Variants in NNMT observed in about 807,000 individuals in gnomAD.
The protein encoded by NNMT is nicotinamide N-methyltransferase.
In NNMT, 10 loss-of-function variants were observed where a neutral mutation model predicts 11.7. The ratio of observed to expected loss-of-function variants is 0.85; its 90% confidence interval spans 0.53 to 1.45. NNMT has a LOEUF of 1.45. Among genes scored for constraint, NNMT ranks in the 40% most tolerant of loss-of-function variants. NNMT has a pLI of 0.00. For missense variants in NNMT, 381 were observed against 319.4 expected, an observed-to-expected ratio of 1.19 and a Z score of -1.47; for synonymous variants, 143 against 133.8, an observed-to-expected ratio of 1.07 and a Z score of -0.48.
chr11:114,268,686 G>A lies in NNMT; in HGVS notation c.-130+5752G>A, dbSNP rs12278530. Among the ~76,000 whole-genome samples the A allele has an allele frequency of 2.2e-3, 334 of 149,788 alleles. 3 individuals are homozygous for A. Among genetic ancestry groups the A allele is most frequent in the African/African-American group, 7.8e-3 (318 of 40,656 alleles). On this transcript the variant is annotated intron_variant, in intron 2 of 4. Coordinates refer to the NNMT transcript ENST00000535401. ...CGGGAGGCTGAGGCAGGAGAATGGCGTGAACCTGGGAGGCGCAGCTTGCAG... is the reference window on the plus strand; with the variant it reads ...CGGGAGGCTGAGGCAGGAGAATGGCATGAACCTGGGAGGCGCAGCTTGCAG...
At chr11:114,270,181 GT>G (rs2135247055) in intron 2 of NNMT, 2 of 152,170 alleles carry the variant, frequency 1.3e-5, no homozygotes, top group South Asian at 4.1e-4. Context: ...TATATAATCA[GT>G]TTTTGTGAAT....
chr11:114,260,538 G>A lies in NNMT; in HGVS notation c.-216-2310G>A, dbSNP rs557936475. Among the ~76,000 whole-genome samples the A allele has an allele frequency of 3.5e-3, 536 of 152,336 alleles. 3 individuals are homozygous for A. The highest frequency in any genetic ancestry group is 0.014 in the Middle Eastern group (4 of 294). ...GCACTCACACATCCAGGGATGTCTG[G>A]GGAGAGGAGGCCCGCTCCGGGCTCC... On this transcript the variant is annotated intron_variant, in intron 1 of 4. Transcript: ENST00000535401.
At chr11:114,310,417 G>A (rs183473912) in intron 2 of NNMT, among the ~76,000 whole-genome samples, 2 of 152,224 alleles carry the variant, frequency 1.3e-5, no homozygotes, top group African/African-American at 2.4e-5. Context: ...ATTATAGGAA[G>A]CATAAAGCAT....
At chr11:114,295,717 C>T (rs905164990), upstream of NNMT, 1 of 152,322 alleles carries the variant, frequency 6.6e-6, no homozygotes, top group Non-Finnish European at 1.5e-5. Context: ...GCATGAGCCT[C>T]CGCCCCCGGC....
intron 2 of NNMT, among the ~76,000 whole-genome samples, chr11:114,264,897 G>A (rs1254433008): frequency 6.6e-6 from 1 of 152,246 alleles, no homozygotes; most frequent in African/African-American, 2.4e-5. Context: ...CTCCCTGGGT[G>A]TGCCACTCTC....
intron 2 of NNMT, among the ~76,000 whole-genome samples, chr11:114,273,780 C>T (rs1402227587): frequency 3.3e-5 from 5 of 152,078 alleles, no homozygotes; most frequent in Admixed American, 1.3e-4. Flanking sequence ...TCGGAGGTTG[C>T]AGTGAGCTGA....
intron 2 of NNMT, among the ~76,000 whole-genome samples, chr11:114,306,082 C>T: frequency 6.6e-6 from 1 of 152,188 alleles, no homozygotes; most frequent in East Asian, 1.9e-4. Flanking sequence ...TTTTGATTTG[C>T]ATTTCTCTGA....
At chr11:114,259,359 A>G (rs11214917) in intron 1 of NNMT, among the ~76,000 whole-genome samples, 42,389 of 119,358 alleles carry the variant, frequency 0.36, 7,759 homozygotes, top group East Asian at 0.56. Context: ...GGGGGGGGGG[A>G]GCTCCTGCAT....
chr11:114,299,119 A>G (rs1184655036), intron 2 of NNMT, among the ~76,000 whole-genome samples: 1 of 152,196 alleles, frequency 6.6e-6, no homozygotes, highest in Non-Finnish European at 1.5e-5. Flanking sequence ...CTTTTTATTT[A>G]TTTTTCTGCC....
At chr11:114,289,469 CTTT>C (rs1286690082) in intron 2 of NNMT, among the ~76,000 whole-genome samples, 1 of 152,106 alleles carries the variant, frequency 6.6e-6, no homozygotes, top group Non-Finnish European at 1.5e-5. Flanking sequence ...AGTTTTTCTT[CTTT>C]ACTAGTATGC....
intron 2 of NNMT, among the ~76,000 whole-genome samples, chr11:114,265,862 C>T (rs948533462): frequency 1.2e-4 from 18 of 152,102 alleles, no homozygotes; most frequent in Admixed American, 3.9e-4. Flanking sequence ...TATTCTGCAC[C>T]GCCAAGTCTC....
chr11:114,279,620 C>T (rs559111968), intron 2 of NNMT, among the ~76,000 whole-genome samples: 8 of 152,170 alleles, frequency 5.3e-5, no homozygotes, highest in Non-Finnish European at 1.0e-4. Flanking sequence ...TTTCATTTGG[C>T]TCATTTGGCT....
chr11:114,307,521 ATTC>A (rs1385766925), intron 2 of NNMT, among the ~76,000 whole-genome samples: 2 of 151,570 alleles, frequency 1.3e-5, no homozygotes, highest in African/African-American at 2.4e-5. Flanking sequence ...CCTCCACTCA[ATTC>A]TTCTCTGTTC....
chr11:114,282,430 A>G (rs964308555), intron 2 of NNMT, among the ~76,000 whole-genome samples: 2 of 152,226 alleles, frequency 1.3e-5, no homozygotes, highest in African/African-American at 4.8e-5. Context: ...GAAAAAGTCT[A>G]AAGACAAAAA....
At chr11:114,302,085 T>C (rs2135276280) in intron 2 of NNMT, among the ~76,000 whole-genome samples, 1 of 152,258 alleles carries the variant, frequency 6.6e-6, no homozygotes, top group South Asian at 2.1e-4. Context: ...TTATGTTTTC[T>C]CTTTTTAATC....
At chr11:114,275,420 G>A in intron 2 of NNMT, among the ~76,000 whole-genome samples, 1 of 152,186 alleles carries the variant, frequency 6.6e-6, no homozygotes, top group East Asian at 1.9e-4. Context: ...CTTGTTTTAA[G>A]TCATGGACCA....
chr11:114,276,229 A>C (rs1375327430), intron 2 of NNMT, among the ~76,000 whole-genome samples: 2 of 150,392 alleles, frequency 1.3e-5, no homozygotes, highest in Non-Finnish European at 2.9e-5. Context: ...GGTGGGGGAC[A>C]AGAGGTTCTC....
intron 2 of NNMT, among the ~76,000 whole-genome samples, chr11:114,282,982 AG>A (rs764491400): frequency 6.6e-6 from 1 of 152,248 alleles, no homozygotes; most frequent in Non-Finnish European, 1.5e-5. Flanking sequence ...TCATTAGACT[AG>A]CAAAAATTAG....
At chr11:114,268,229 C>T (rs1226602799) in intron 2 of NNMT, among the ~76,000 whole-genome samples, 1 of 152,224 alleles carries the variant, frequency 6.6e-6, no homozygotes, top group Non-Finnish European at 1.5e-5. Flanking sequence ...CTTGTTTCCT[C>T]TTACAGGGTC....
Sources: gnomAD v4.1 joint callset for allele counts (sites outside exome capture counted in the v4.1 genomes callset) on GRCh38, gnomAD v4.1.1 for gene constraint, MANE v1.5 for transcripts, NCBI Gene and HGNC (gene_info 2026-07-23, HGNC 2026-07-21) for gene names.